NSMAF: variants seen among roughly 807,000 people sequenced by gnomAD.
NSMAF encodes the protein neutral sphingomyelinase activation associated factor.
In NSMAF, 90 loss-of-function variants were observed where a neutral mutation model predicts 134.9. The ratio of observed to expected loss-of-function variants is 0.67; its 90% CI spans 0.56 to 0.79. The LOEUF is 0.79. Ranked by LOEUF, NSMAF falls within the 30% of genes least tolerant of loss-of-function variation. The pLI is 0.00. For synonymous variants in NSMAF, 358 were observed against 389.6 expected (o/e 0.92, Z 0.96); for missense variants, 1,010 against 1,119.0 (o/e 0.90, Z 1.39).
chr8:58,604,354 T>G (rs1477371259), intron 12 of NSMAF, among the ~76,000 whole-genome samples: 1 of 151,998 alleles, frequency 6.6e-6, no homozygotes, highest in East Asian at 1.9e-4. Context: ...GGACTCACCA[T>G]GAAAGTTGAT....
chr8:58,605,173 T>G (rs1806375466), intron 12 of NSMAF, among the ~76,000 whole-genome samples: 1 of 152,216 alleles, frequency 6.6e-6, no homozygotes, highest in Non-Finnish European at 1.5e-5. Context: ...AAGTATTTTC[T>G]CTGGCAAAGG....
intron 10 of NSMAF, 62 bp from the exon 11 acceptor site, chr8:58,607,902 T>C (rs984987269): frequency 6.5e-6 from 9 of 1,381,490 alleles, no homozygotes; most frequent in Non-Finnish European, 8.2e-6. Context: ...AGTTGTTCTA[T>C]AGTATCAGAA....
At chr8:58,620,932 C>T (rs1172966266) in intron 9 of NSMAF, among the ~76,000 whole-genome samples, 1 of 152,136 alleles carries the variant, frequency 6.6e-6, no homozygotes. Context: ...CTCTCAAAGA[C>T]TTAATTTTTT....
intron 28 of NSMAF, 178 bp downstream of exon 28, chr8:58,586,280 T>C: frequency 1.5e-6 from 1 of 648,044 alleles, no homozygotes; most frequent in Non-Finnish European, 2.6e-6. Flanking sequence ...CTGATACAAA[T>C]GCCACAAGTA....
intron 9 of NSMAF, among the ~76,000 whole-genome samples, chr8:58,621,082 C>T (rs923686457): frequency 2.6e-5 from 4 of 151,728 alleles, no homozygotes; most frequent in Admixed American, 2.6e-4. Context: ...GTTTTTCGAT[C>T]CTCACCCTCC....
intron 9 of NSMAF, among the ~76,000 whole-genome samples, chr8:58,614,544 G>A (rs1806611957): frequency 6.6e-6 from 1 of 152,180 alleles, no homozygotes; most frequent in South Asian, 2.1e-4. Flanking sequence ...GTGCAATCCT[G>A]AGTTATGAAC....
chr8:58,632,488 G>A (rs1807076768), intron 5 of NSMAF, among the ~76,000 whole-genome samples: 1 of 152,062 alleles, frequency 6.6e-6, no homozygotes, highest in South Asian at 2.1e-4. Flanking sequence ...GGCTCTTCCT[G>A]AAGCAGTTTT....
chr8:58,596,796 C>G (rs189309686), intron 21 of NSMAF, among the ~76,000 whole-genome samples: 1 of 151,942 alleles, frequency 6.6e-6, no homozygotes, highest in Non-Finnish European at 1.5e-5. Context: ...GGCGTGGTGG[C>G]GGGCGCCTGT....
intron 12 of NSMAF, among the ~76,000 whole-genome samples, chr8:58,604,580 TA>T (rs1180942718): frequency 6.7e-6 from 1 of 149,386 alleles, no homozygotes; most frequent in African/African-American, 2.4e-5. Flanking sequence ...AAACCTACTT[TA>T]AAATAAAATA....
At chr8:58,645,078 G>A (rs906483292) in intron 1 of NSMAF, among the ~76,000 whole-genome samples, 29 of 150,120 alleles carry the variant, frequency 1.9e-4, no homozygotes, top group African/African-American at 6.1e-4. Context: ...AAACCTGCAC[G>A]TTCTGCACAT....
In NSMAF at chr8:58,603,388, T is replaced by TG; in HGVS notation, c.869-3dup. ...CAGTGTGCTCCGCCACATGGTGCTC[T>TG]GGGGGAAGAGGACCCACGAGGTCTG... On this transcript the variant is annotated splice_region_variant and splice_polypyrimidine_tract_variant and intron_variant, in intron 12 of 30. Transcript: ENST00000038176. 1 of 1,613,414 alleles carries TG rather than the reference T, an allele frequency of 6.2e-7. No homozygotes were observed. The highest frequency in any genetic ancestry group is 1.1e-5 in the South Asian group (1 of 91,052).
At chr8:58,632,913 C>T (rs1255884176) in intron 5 of NSMAF, among the ~76,000 whole-genome samples, 1 of 152,304 alleles carries the variant, frequency 6.6e-6, no homozygotes, top group East Asian at 1.9e-4. Context: ...CCCTTTTATA[C>T]CCTGCGACCA....
intron 19 of NSMAF, among the ~76,000 whole-genome samples, chr8:58,598,314 A>G (rs1223621331): frequency 1.3e-5 from 2 of 151,922 alleles, no homozygotes; most frequent in Non-Finnish European, 2.9e-5. Flanking sequence ...AAGCATTGAA[A>G]CTGAAGAGAA....
intron 11 of NSMAF, among the ~76,000 whole-genome samples, chr8:58,607,304 T>C (rs1370708445): frequency 6.6e-6 from 1 of 152,242 alleles, no homozygotes; most frequent in Non-Finnish European, 1.5e-5. Flanking sequence ...TGATTTTACA[T>C]GGTTATTTTG....
At chr8:58,625,251 C>G (rs1378904630) in intron 6 of NSMAF, among the ~76,000 whole-genome samples, 3 of 152,136 alleles carry the variant, frequency 2.0e-5, no homozygotes, top group African/African-American at 7.2e-5. Flanking sequence ...ATACCATTGC[C>G]TCTCTCCTGG....
chr8:58,626,102 T>G (rs1485303130), intron 6 of NSMAF, among the ~76,000 whole-genome samples: 1 of 143,142 alleles, frequency 7.0e-6, no homozygotes, highest in Non-Finnish European at 1.5e-5. Flanking sequence ...TTTTTTTTTT[T>G]TTTTTTTTTT....
intron 9 of NSMAF, among the ~76,000 whole-genome samples, chr8:58,620,045 CAATA>C: frequency 6.6e-6 from 1 of 152,070 alleles, no homozygotes; most frequent in Non-Finnish European, 1.5e-5. Context: ...TGATATAAGG[CAATA>C]AACAAGTAAG....
At position 58,624,407 on chromosome 8, in the gene NSMAF, A is replaced by C. The variant is rs1343717740; in HGVS notation, c.385-627T>G. Reference sequence around the variant, plus strand: ...TTTTAACGTAGACATTTAATTCTATAAACTTCCCTGTTTATACTGCTTTTG... The same window carrying C: ...TTTTAACGTAGACATTTAATTCTATCAACTTCCCTGTTTATACTGCTTTTG... On this transcript the variant is annotated intron_variant, in intron 6 of 30. Coordinates refer to ENST00000038176, the MANE Select transcript of NSMAF (RefSeq NM_003580.4). Among the ~76,000 whole-genome samples, 4 of 152,022 alleles carry C rather than the reference A, an allele frequency of 2.6e-5. No individual in the cohort carries two copies. The East Asian group carries it at 7.7e-4, about 29-fold the overall frequency.
intron 8 of NSMAF, 47 bp from the exon 9 acceptor site, chr8:58,623,319 T>C (rs1464850248): frequency 6.2e-7 from 1 of 1,601,880 alleles, no homozygotes; most frequent in African/African-American, 1.3e-5. Context: ...TATTTATAAG[T>C]AAAATATCAA....
Sources: allele counts gnomAD v4.1 joint callset (sites outside exome capture counted in the v4.1 genomes callset), GRCh38; gene constraint gnomAD v4.1.1; transcripts MANE v1.5; gene names NCBI Gene and HGNC (gene_info 2026-07-23, HGNC 2026-07-21).